The following VRK2 variants were observed in gnomAD, a reference collection of about 807,000 sequenced individuals.
VRK2 encodes the protein VRK serine/threonine kinase 2.
In VRK2, 60 loss-of-function variants were observed where a neutral mutation model predicts 57.6. The ratio of observed to expected loss-of-function variants is 1.04; its 90% CI spans 0.85 to 1.29. The LOEUF (loss-of-function observed/expected upper bound fraction) is 1.29, where lower values mean the gene tolerates loss of function less well. VRK2 is among the 50% of genes most tolerant of loss of function. The probability of loss-of-function intolerance (pLI) is 0.00; values close to 1 mark genes in which losing one functional copy is unlikely to be tolerated. For synonymous variants in VRK2, 231 were observed against 199.2 expected (o/e 1.16, Z -1.35); for missense variants, 705 against 588.1 (o/e 1.20, Z -2.06).
At chr2:57,989,092 A>G (rs902182679) in intron 1 of VRK2, among the ~76,000 whole-genome samples, 1 of 151,948 alleles carries the variant, frequency 6.6e-6, no homozygotes, top group Non-Finnish European at 1.5e-5. Context: ...CAGTACCCCA[A>G]TTTGCATGGA....
chr2:58,094,569 G>A (rs764874433), intron 7 of VRK2, among the ~76,000 whole-genome samples: 2 of 152,112 alleles, frequency 1.3e-5, no homozygotes, highest in Non-Finnish European at 2.9e-5. Flanking sequence ...GGGCTGAGAC[G>A]ATGGGGTTTT....
chr2:58,009,137 T>A lies in VRK2; in HGVS notation c.-438-16528T>A, dbSNP rs368447596. ...AACTCCTGAATTTTGTAGGGGACAC[T>A]TTGAAATGGTAGCAGGGAATATCAT... is the stretch of plus-strand genomic sequence containing the variant. On this transcript the variant is annotated intron_variant, in intron 1 of 15. Coordinates refer to the VRK2 transcript ENST00000417641. 3.3e-4 allele frequency among the ~76,000 whole-genome samples: 51 copies of A among 152,264 alleles called. No homozygotes were observed. The South Asian group carries it at 9.7e-3, about 29-fold the overall frequency.
chr2:57,933,304 T>TTTCTC (rs1558500276), intron 1 of VRK2, among the ~76,000 whole-genome samples: 1 of 119,876 alleles, frequency 8.3e-6, no homozygotes, highest in African/African-American at 3.7e-5. Flanking sequence ...TATTTCTTTC[T>TTTCTC]TTTTCTTTTT....
intron 7 of VRK2, among the ~76,000 whole-genome samples, chr2:58,104,983 G>C (rs1409643872): frequency 6.6e-6 from 1 of 151,882 alleles, no homozygotes; most frequent in African/African-American, 2.4e-5. Context: ...TCAATAAATT[G>C]TGCTGGGAAA....
chr2:57,932,929 C>A (rs1670776993), intron 1 of VRK2, among the ~76,000 whole-genome samples: 1 of 151,970 alleles, frequency 6.6e-6, no homozygotes, highest in Admixed American at 6.6e-5. Context: ...TCTTTTTTGA[C>A]CCTTTTGTTT....
chr2:58,012,315 C>T (rs1055880712), intron 1 of VRK2, among the ~76,000 whole-genome samples: 2 of 152,164 alleles, frequency 1.3e-5, no homozygotes, highest in African/African-American at 4.8e-5. Context: ...TCACTTTATT[C>T]TATGGACTCG....
intron 1 of VRK2, among the ~76,000 whole-genome samples, chr2:58,015,984 T>G (rs1335778197): frequency 6.6e-6 from 1 of 152,064 alleles, no homozygotes; most frequent in East Asian, 1.9e-4. Context: ...ATTTATTCAC[T>G]CAGGTAAATT....
intron 3 of VRK2, among the ~76,000 whole-genome samples, chr2:58,039,955 G>T (rs1192826587): frequency 6.7e-6 from 1 of 149,956 alleles, no homozygotes; most frequent in Admixed American, 6.6e-5. Flanking sequence ...TCACTCTGTT[G>T]CCCAGGCTGG....
At chr2:58,017,327 C>T (rs1230200788) in intron 1 of VRK2, among the ~76,000 whole-genome samples, 3 of 152,222 alleles carry the variant, frequency 2.0e-5, no homozygotes, top group Non-Finnish European at 4.4e-5. Context: ...CCACTGACTA[C>T]TCCAGGGAGC....
Position 58,159,474 on chromosome 2 carries a change from T to C in VRK2, c.1308T>C (p.Phe436=). 1 of 1,613,756 alleles carries C rather than the reference T, an allele frequency of 6.2e-7. No homozygotes were observed. The highest frequency in any genetic ancestry group is 8.5e-7 in the Non-Finnish European group (1 of 1,179,780). Residue 436 remains phenylalanine (F), a synonymous_variant, in exon 13 of 13, where the codon TTT becomes TTC. Coordinates refer to ENST00000340157, the MANE Select transcript of VRK2 (RefSeq NM_006296.7). Reference sequence around the variant, plus strand: ...CATTTTATGAGCCTCATCAAGATTTTACCAGTCCAGATATATTCAAGAAGT... The same window carrying C: ...CATTTTATGAGCCTCATCAAGATTTCACCAGTCCAGATATATTCAAGAAGT... ...PNSFYEPHQD[F]TSPDIFKKSR... is the part of the protein sequence containing the mutation.
At chr2:58,027,507 G>C (rs1340289572) in intron 2 of VRK2, among the ~76,000 whole-genome samples, 4 of 152,060 alleles carry the variant, frequency 2.6e-5, no homozygotes, top group African/African-American at 7.2e-5. Flanking sequence ...TGATTTTGTT[G>C]GTTCTCATGT....
intron 1 of VRK2, among the ~76,000 whole-genome samples, chr2:57,957,969 T>C (rs1007822511): frequency 3.3e-5 from 5 of 152,298 alleles, no homozygotes; most frequent in African/African-American, 9.6e-5. Flanking sequence ...TTCTCTCATA[T>C]AGCGAAGTTG....
chr2:58,095,431 C>T (rs1223075518), intron 7 of VRK2, among the ~76,000 whole-genome samples: 2 of 151,958 alleles, frequency 1.3e-5, no homozygotes, highest in Non-Finnish European at 1.5e-5. Context: ...TGTTTTTCAT[C>T]AATTTTGCAT....
Position 58,153,134 on chromosome 2 carries a change from T to C in VRK2, c.1183-6215T>C, listed in dbSNP as rs189739033. Among the ~76,000 whole-genome samples the C allele has an allele frequency of 2.4e-4, 37 of 152,136 alleles. 1 individual carries two copies. The East Asian group carries it at 7.1e-3, about 29-fold the overall frequency. On this transcript the variant is annotated intron_variant, in intron 12 of 12. Transcript: ENST00000340157. Reference sequence around the variant, plus strand: ...CTGTAATTTTATCATTTTGAGTGTATCATATAAATCAAATCTTATGATATG... The same window carrying C: ...CTGTAATTTTATCATTTTGAGTGTACCATATAAATCAAATCTTATGATATG...
At chr2:58,042,873 G>A (rs1030055160), upstream of VRK2, among the ~76,000 whole-genome samples, 1 of 151,306 alleles carries the variant, frequency 6.6e-6, no homozygotes, top group Admixed American at 6.6e-5. Context: ...TTTCTTTCTT[G>A]TTTCTCATCA....
chr2:58,144,089 T>C (rs1010820221), intron 11 of VRK2, among the ~76,000 whole-genome samples: 1 of 151,634 alleles, frequency 6.6e-6, no homozygotes, highest in Non-Finnish European at 1.5e-5. Flanking sequence ...ATCCTGACAT[T>C]TGCAACATCA....
intron 2 of VRK2, among the ~76,000 whole-genome samples, chr2:58,057,824 A>G (rs1676750400): frequency 1.3e-5 from 2 of 152,208 alleles, no homozygotes; most frequent in African/African-American, 2.4e-5. Context: ...CCACATAATT[A>G]GTCATGAGGT....
At chr2:57,946,014 A>G (rs1013393803) in intron 1 of VRK2, among the ~76,000 whole-genome samples, 2 of 152,176 alleles carry the variant, frequency 1.3e-5, no homozygotes, top group Non-Finnish European at 2.9e-5. Context: ...AGGATTTGGT[A>G]TTAACAAAGA....
Position 57,968,619 on chromosome 2 carries a change from G to A in VRK2, c.-438-57046G>A, listed in dbSNP as rs114769252. Among the ~76,000 whole-genome samples the A allele has an allele frequency of 2.2e-3, 338 of 152,036 alleles. 1 individual carries two copies. The highest frequency in any genetic ancestry group is 7.9e-3 in the African/African-American group (328 of 41,498). ...ACGTGAATGCCATTTTAAGATTATC[G>A]ATGTTATCAGAGAATATACCATTTC... On this transcript the variant is annotated intron_variant, in intron 1 of 15. Coordinates refer to the VRK2 transcript ENST00000417641.
Sources: allele counts gnomAD v4.1 joint callset (sites outside exome capture counted in the v4.1 genomes callset), GRCh38; gene constraint gnomAD v4.1.1; transcripts MANE v1.5; gene names NCBI Gene and HGNC (gene_info 2026-07-23, HGNC 2026-07-21).